Variants in EZR observed in about 807,000 individuals in gnomAD.
EZR encodes ezrin.
EZR carries 40 observed loss-of-function variants against 74.8 expected under a neutral mutation model. The observed-to-expected ratio is 0.53, with a 90% CI of 0.42 to 0.70. The LOEUF is 0.70. Ranked by LOEUF, EZR falls within the 30% of genes least tolerant of loss-of-function variation. The pLI, the probability that EZR is intolerant of heterozygous loss-of-function variation, is 0.00. For missense variants in EZR, 678 were observed against 755.8 expected, an observed-to-expected ratio of 0.90 and a Z score of 1.21; for synonymous variants, 341 against 283.3, an observed-to-expected ratio of 1.20 and a Z score of -2.05.
chr6:158,789,310 G>T lies in EZR; in HGVS notation c.74C>A (p.Thr25Asn), dbSNP rs760683115. ...ELEFAIQPNT[T>N]GKQLFDQVVK... The stretch of plus-strand genomic sequence containing the variant: ...AACCTGATCAAAAAGCTGTTTTCCA[G>T]TTGTATTTGGCTGGATTGCAAACTC... Residue 25 changes from threonine (T) to asparagine (N), a missense_variant, in exon 3 of 14, where the codon ACT becomes AAT. Coordinates refer to ENST00000367075, the MANE Select transcript of EZR (RefSeq NM_001111077.2). The T allele has an allele frequency of 6.2e-7, 1 of 1,614,118 alleles. No individual in the cohort carries two copies. Among genetic ancestry groups the T allele is most frequent in the Non-Finnish European group, 8.5e-7 (1 of 1,179,970 alleles).
At chr6:158,806,562 A>C (rs1451089708) in intron 2 of EZR, among the ~76,000 whole-genome samples, 1 of 150,622 alleles carries the variant, frequency 6.6e-6, no homozygotes, top group African/African-American at 2.4e-5. Context: ...GCTCTAAAGC[A>C]CTAAAAAAAA....
intron 8 of EZR, among the ~76,000 whole-genome samples, chr6:158,774,326 T>C (rs1366162438): frequency 6.6e-6 from 1 of 152,118 alleles, no homozygotes; most frequent in African/African-American, 2.4e-5. Context: ...CTGCCCAACC[T>C]GCCTAAAGGA....
At chr6:158,801,192 G>A (rs1488479137) in intron 2 of EZR, among the ~76,000 whole-genome samples, 4 of 152,176 alleles carry the variant, frequency 2.6e-5, no homozygotes, top group African/African-American at 9.7e-5. Context: ...TCGGCTCACT[G>A]TAGCCTCCAC....
intron 2 of EZR, among the ~76,000 whole-genome samples, chr6:158,791,565 A>G (rs1175430561): frequency 6.6e-6 from 1 of 152,040 alleles, no homozygotes; most frequent in Non-Finnish European, 1.5e-5. Flanking sequence ...CAAATGCAGA[A>G]CCCTGGATAT....
At chr6:158,784,590 C>G in intron 6 of EZR, 54 bp downstream of exon 6, 1 of 1,484,544 alleles carries the variant, frequency 6.7e-7, no homozygotes, top group Non-Finnish European at 9.4e-7. Flanking sequence ...CAGGAAAAGA[C>G]ATGCTGGAGC....
chr6:158,800,674 C>T (rs1777168810), intron 2 of EZR, among the ~76,000 whole-genome samples: 1 of 152,112 alleles, frequency 6.6e-6, no homozygotes, highest in African/African-American at 2.4e-5. Flanking sequence ...TGGTGGTGCA[C>T]ATTGGTAATC....
chr6:158,771,530 G>A, intron 8 of EZR, 123 bp from the exon 9 acceptor site: 1 of 1,056,422 alleles, frequency 9.5e-7, no homozygotes. Flanking sequence ...AGGGATGGCA[G>A]CATCTCGGCA....
intron 2 of EZR, among the ~76,000 whole-genome samples, chr6:158,800,659 G>A (rs774885203): frequency 5.3e-5 from 8 of 152,130 alleles, no homozygotes; most frequent in South Asian, 2.1e-4. Context: ...AATATTAGCC[G>A]GGTGTGGTGG....
intron 2 of EZR, among the ~76,000 whole-genome samples, chr6:158,800,916 T>C (rs1777174397): frequency 6.6e-6 from 1 of 152,242 alleles, no homozygotes; most frequent in African/African-American, 2.4e-5. Flanking sequence ...TCTTAAATTA[T>C]ACCTGATTAT....
chr6:158,792,707 C>T (rs1385329360), intron 2 of EZR, among the ~76,000 whole-genome samples: 4 of 151,170 alleles, frequency 2.6e-5, no homozygotes, highest in Admixed American at 6.6e-5. Flanking sequence ...CACAGCTACT[C>T]GGGAGGCTGA....
chr6:158,765,900 T>TG lies in EZR; in HGVS notation c.*1013dup, dbSNP rs1790754134. ...GCCTTCCAGCAGCCTGCCAAGGCCATGGCAGAGAGAGACTGCAAACAAACA... is the reference window on the plus strand; with the variant it reads ...GCCTTCCAGCAGCCTGCCAAGGCCATGGGCAGAGAGAGACTGCAAACAAACA... On this transcript the variant is annotated 3_prime_UTR_variant, in exon 14 of 14. Transcript: ENST00000367075. 7.3e-6 allele frequency: 1 copy of TG among 137,310 alleles called. No individual in the cohort carries two copies. Among genetic ancestry groups the TG allele is most frequent in the Non-Finnish European group, 1.6e-5 (1 of 61,024 alleles). 8.5% of individuals were successfully genotyped at this position (137,310 alleles called of 1,614,324 possible).
intron 7 of EZR, among the ~76,000 whole-genome samples, chr6:158,779,260 T>TG (rs1791362492): frequency 6.6e-6 from 1 of 152,100 alleles, no homozygotes; most frequent in Non-Finnish European, 1.5e-5. Flanking sequence ...CCAAAGTCAA[T>TG]GGCCAGTACT....
intron 2 of EZR, among the ~76,000 whole-genome samples, chr6:158,816,916 T>C (rs796566383): frequency 7.9e-5 from 12 of 152,082 alleles, no homozygotes; most frequent in African/African-American, 2.9e-4. Flanking sequence ...TGAAACCCCC[T>C]CTCTATAAAA....
At chr6:158,795,906 A>G (rs1342891736) in intron 2 of EZR, among the ~76,000 whole-genome samples, 1 of 152,198 alleles carries the variant, frequency 6.6e-6, no homozygotes, top group East Asian at 1.9e-4. Context: ...CCCCTAGCTG[A>G]TGACTTCCTG....
In EZR at chr6:158,783,683, A is replaced by T; in HGVS notation, c.552-17T>A. ...GCATTATCTCTAATTGGGGAGAGTGAAACAGGCAGAGTCACTGGTAGCACT... is the reference window on the plus strand; with the variant it reads ...GCATTATCTCTAATTGGGGAGAGTGTAACAGGCAGAGTCACTGGTAGCACT... On this transcript the variant is annotated splice_polypyrimidine_tract_variant and intron_variant, in intron 6 of 13. Transcript: ENST00000367075. 1 of 1,611,922 alleles carries T rather than the reference A, an allele frequency of 6.2e-7. No individual in the cohort carries two copies. The highest frequency in any genetic ancestry group is 8.5e-7 in the Non-Finnish European group (1 of 1,178,852).
At chr6:158,769,494 T>G (rs1001827554) in intron 11 of EZR, 76 bp from the exon 12 acceptor site, 1 of 1,447,188 alleles carries the variant, frequency 6.9e-7, no homozygotes, top group Non-Finnish European at 9.5e-7. Flanking sequence ...AGTGTTCATG[T>G]GTGTTGGCAA....
intron 12 of EZR, 64 bp downstream of exon 12, chr6:158,769,262 C>A: frequency 4.1e-6 from 6 of 1,453,366 alleles, no homozygotes; most frequent in Non-Finnish European, 5.7e-6. Flanking sequence ...CAGAAGGGCC[C>A]CACCGCAGGC....
chr6:158,796,045 AG>A (rs1777063637), intron 2 of EZR, among the ~76,000 whole-genome samples: 1 of 152,186 alleles, frequency 6.6e-6, no homozygotes, highest in Non-Finnish European at 1.5e-5. Context: ...CGGACAGTAG[AG>A]GTGTAAGTAC....
In EZR at chr6:158,768,133, G is replaced by A. The variant is rs373214704; in HGVS notation, c.1345-621C>T. Among the ~76,000 whole-genome samples the A allele has an allele frequency of 2.6e-5, 4 of 152,000 alleles. No homozygotes were observed. In the South Asian group the frequency reaches 8.3e-4, roughly 32 times the overall value. On this transcript the variant is annotated intron_variant, in intron 12 of 13. Transcript: ENST00000367075. The stretch of plus-strand genomic sequence containing the variant: ...TGGGGGGCATTACCTGGTGGGAGGT[G>A]ACTGGATTACGGGGTGGTTTCCCCT...
Sources: allele counts gnomAD v4.1 joint callset (sites outside exome capture counted in the v4.1 genomes callset), GRCh38; gene constraint gnomAD v4.1.1; transcripts MANE v1.5; gene names NCBI Gene and HGNC (gene_info 2026-07-23, HGNC 2026-07-21).